UBXN7: variants seen among roughly 807,000 people sequenced by gnomAD.
The protein encoded by UBXN7 is UBX domain-containing protein 7.
A neutral mutation model predicts 58.0 loss-of-function variants in UBXN7; 9 were observed. That is an observed-to-expected ratio of 0.16 (90% CI 0.09 to 0.27). UBXN7 has a LOEUF of 0.27. UBXN7 is among the 10% of genes least tolerant of loss of function. The pLI, the probability that UBXN7 is intolerant of heterozygous loss-of-function variation, is 1.00. For missense variants in UBXN7, 328 were observed against 599.6 expected (o/e 0.55, Z 4.73); for synonymous variants, 208 against 205.0 (o/e 1.01, Z -0.12).
At position 196,350,959 on chromosome 3, in the gene UBXN7, A is replaced by G. The variant is rs1469760389; in HGVS notation, c.*5726T>C. 6.6e-6 allele frequency: 1 copy of G among 152,204 alleles called. No individual in the cohort carries two copies. The highest frequency in any genetic ancestry group is 1.5e-5 in the Non-Finnish European group (1 of 68,026). The allele number at this position is 152,204 out of a possible 1,614,324, so 9.4% of individuals were successfully genotyped here. A position where few individuals can be genotyped will look rare whatever the true frequency, so the allele number is the denominator to read the frequency against. On this transcript the variant is annotated 3_prime_UTR_variant, in exon 11 of 11. Transcript: ENST00000296328. The stretch of plus-strand genomic sequence containing the variant: ...TATTCATCAAGGCTGGTATTACCGG[A>G]AAACTGCCATGTTCACCAGAAGAGC...
intron 5 of UBXN7, among the ~76,000 whole-genome samples, chr3:196,374,313 T>A (rs1422219478): frequency 1.3e-5 from 2 of 152,140 alleles, no homozygotes; most frequent in Admixed American, 6.5e-5. Flanking sequence ...CTCACATTCA[T>A]GCTTTCATTA....
chr3:196,392,362 G>A (rs953683006), intron 4 of UBXN7, among the ~76,000 whole-genome samples: 1 of 151,264 alleles, frequency 6.6e-6, no homozygotes, highest in African/African-American at 2.4e-5. Flanking sequence ...AAAAAAAGCC[G>A]GGCATGGTGG....
intron 5 of UBXN7, among the ~76,000 whole-genome samples, chr3:196,372,327 C>CTCTCTCTCTCTCTCTCTCTCTCTCT (rs1560222230): frequency 1.1e-5 from 1 of 90,284 alleles, no homozygotes; most frequent in Admixed American, 1.1e-4. Context: ...TCTCTCTCTC[C>CTCTCTCTCTCTCTCTCTCTCTCTCT]TTTCTTTCTT....
intron 3 of UBXN7, among the ~76,000 whole-genome samples, chr3:196,399,429 C>T (rs761268985): frequency 2.6e-5 from 4 of 151,968 alleles, no homozygotes; most frequent in Non-Finnish European, 4.4e-5. Flanking sequence ...TAAGCCACTG[C>T]AACTGTCCTA....
chr3:196,399,699 C>CATTGGGATTA (rs2108850289), intron 3 of UBXN7, among the ~76,000 whole-genome samples: 1 of 152,256 alleles, frequency 6.6e-6, no homozygotes, highest in South Asian at 2.1e-4. Context: ...CTGTGGCCTC[C>CATTGGGATTA]CAAAGGACTG....
chr3:196,384,948 C>T (rs1729327784), intron 5 of UBXN7, among the ~76,000 whole-genome samples: 1 of 152,108 alleles, frequency 6.6e-6, no homozygotes, highest in Non-Finnish European at 1.5e-5. Flanking sequence ...AAGTTCTGGC[C>T]AGGGCAATCA....
At chr3:196,389,673 C>A (rs928770336) in intron 5 of UBXN7, among the ~76,000 whole-genome samples, 1 of 152,170 alleles carries the variant, frequency 6.6e-6, no homozygotes, top group African/African-American at 2.4e-5. Flanking sequence ...TGAGGCCTCA[C>A]CAGAAGCAGA....
intron 4 of UBXN7, among the ~76,000 whole-genome samples, chr3:196,393,223 T>C (rs1051863394): frequency 2.6e-5 from 4 of 152,236 alleles, no homozygotes; most frequent in African/African-American, 7.2e-5. Context: ...TTTCATTATA[T>C]ATTCCTTTCA....
At chr3:196,429,168 A>C (rs1279327395) in intron 1 of UBXN7, among the ~76,000 whole-genome samples, 1 of 152,154 alleles carries the variant, frequency 6.6e-6, no homozygotes, top group African/African-American at 2.4e-5. Flanking sequence ...TCTACTAAAA[A>C]TACAAAAAAT....
At chr3:196,405,469 C>CAAAAAAAAAAAAG (rs1730132426) in intron 2 of UBXN7, among the ~76,000 whole-genome samples, 1 of 116,890 alleles carries the variant, frequency 8.6e-6, no homozygotes. Flanking sequence ...GACTCCGTCT[C>CAAAAAAAAAAAAG]AAAAAAAAAA....
intron 3 of UBXN7, chr3:196,400,095 A>T (rs1000255057): frequency 6.6e-6 from 1 of 152,244 alleles, no homozygotes; most frequent in Non-Finnish European, 1.5e-5. Flanking sequence ...GGAGGGGTGA[A>T]CTGGCCCAGG....
chr3:196,424,822 C>G (rs1419518611), intron 1 of UBXN7, among the ~76,000 whole-genome samples: 1 of 151,820 alleles, frequency 6.6e-6, no homozygotes, highest in Admixed American at 6.6e-5. Context: ...CCTGCCTCAG[C>G]CTCCTGAGTA....
chr3:196,419,807 A>G (rs540411739), intron 1 of UBXN7, among the ~76,000 whole-genome samples: 3 of 152,320 alleles, frequency 2.0e-5, no homozygotes, highest in African/African-American at 7.2e-5. Flanking sequence ...CGGCCTCCAG[A>G]ACCATCACAG....
intron 5 of UBXN7, among the ~76,000 whole-genome samples, chr3:196,389,640 T>G (rs1226784651): frequency 2.0e-5 from 3 of 152,220 alleles, no homozygotes; most frequent in Non-Finnish European, 4.4e-5. Context: ...CCCCTTTGCC[T>G]TCTGCCATGA....
rs921811738 is a variant in UBXN7 at position 196,356,521 on chromosome 3, G to A, written c.*164C>T. The A allele has an allele frequency of 1.4e-6, 1 of 693,240 alleles. No individual in the cohort carries two copies. Among genetic ancestry groups the A allele is most frequent in the Non-Finnish European group, 2.3e-6 (1 of 438,008 alleles). The allele number at this position is 693,240 out of a possible 1,614,324, so 42.9% of individuals were successfully genotyped here. A position where few individuals can be genotyped will look rare whatever the true frequency, so the allele number is the denominator to read the frequency against. ...AAGAGGAGAAAGAAACAAAGGGGGAGAAAGAGACTGATTATAGGAGAGATC... is the reference window on the plus strand; with the variant it reads ...AAGAGGAGAAAGAAACAAAGGGGGAAAAAGAGACTGATTATAGGAGAGATC... On this transcript the variant is annotated 3_prime_UTR_variant, in exon 11 of 11. Transcript: ENST00000296328.
chr3:196,431,678 TC>T, intron 1 of UBXN7: 2 of 281,074 alleles, frequency 7.1e-6, no homozygotes, highest in African/African-American at 2.3e-5. Context: ...GCTTGGGGGT[TC>T]CCCCTCATTC....
At chr3:196,417,723 TTAAAAAAAAAAAAAAA>T (rs1464667895) in intron 1 of UBXN7, among the ~76,000 whole-genome samples, 24 of 78,414 alleles carry the variant, frequency 3.1e-4, no homozygotes, top group South Asian at 2.3e-3. Flanking sequence ...GGCAAAATGG[TTAAAAAAAAAAAAAAA>T]AAAAAAAAAA....
chr3:196,350,936 T>C lies in UBXN7; in HGVS notation c.*5749A>G, dbSNP rs1728194285. 1 of 152,208 alleles carries C rather than the reference T, an allele frequency of 6.6e-6. No homozygotes were observed. Among genetic ancestry groups the C allele is most frequent in the Admixed American group, 6.5e-5 (1 of 15,286 alleles). 9.4% of individuals were successfully genotyped at this position (152,208 alleles called of 1,614,324 possible). ...ATAGTACACAGCTGTCTTTAGCCTA[T>C]TCATCAAGGCTGGTATTACCGGAAA... On this transcript the variant is annotated 3_prime_UTR_variant, in exon 11 of 11. Coordinates refer to ENST00000296328, the MANE Select transcript of UBXN7 (RefSeq NM_015562.2).
intron 5 of UBXN7, among the ~76,000 whole-genome samples, chr3:196,384,078 G>C (rs1433306215): frequency 1.3e-5 from 2 of 152,038 alleles, no homozygotes; most frequent in East Asian, 3.9e-4. Flanking sequence ...AGAAAAGAGA[G>C]AAGAATCAAA....
Sources: gnomAD v4.1 joint callset for allele counts (sites outside exome capture counted in the v4.1 genomes callset) on GRCh38, gnomAD v4.1.1 for gene constraint, MANE v1.5 for transcripts, NCBI Gene and HGNC (gene_info 2026-07-23, HGNC 2026-07-21) for gene names.